HAUS6: variants seen among roughly 807,000 people sequenced by gnomAD.
The protein encoded by HAUS6 is HAUS augmin like complex subunit 6.
Under a neutral mutation model 106.8 loss-of-function variants are expected in HAUS6, and 80 were observed. That is an observed-to-expected ratio of 0.75 (90% CI 0.63 to 0.90). The LOEUF is 0.90. HAUS6 is among the 40% of genes least tolerant of loss of function. The pLI is 0.00. For missense variants in HAUS6, 1,155 were observed against 1,118.1 expected (o/e 1.03, Z -0.47); for synonymous variants, 356 against 379.1 (o/e 0.94, Z 0.71).
intron 4 of HAUS6, 72 bp downstream of exon 4, chr9:19,093,099 C>G (rs540711349): frequency 9.1e-7 from 1 of 1,100,280 alleles, no homozygotes; most frequent in Non-Finnish European, 1.3e-6. Context: ...GATCTCTTCA[C>G]GATTTAAAAA....
chr9:19,097,208 A>G (rs1161017942), intron 1 of HAUS6, among the ~76,000 whole-genome samples: 1 of 152,332 alleles, frequency 6.6e-6, no homozygotes, highest in East Asian at 1.9e-4. Context: ...TGCATGTCTA[A>G]AACACCAAAA....
chr9:19,066,325 T>G (rs1588601632), intron 12 of HAUS6, among the ~76,000 whole-genome samples: 1 of 152,250 alleles, frequency 6.6e-6, no homozygotes, highest in East Asian at 1.9e-4. Context: ...CTTAAAAACT[T>G]TAACCAATTA....
intron 7 of HAUS6, among the ~76,000 whole-genome samples, chr9:19,085,991 T>TAA (rs3085526): frequency 6.9e-5 from 10 of 145,820 alleles, no homozygotes; most frequent in African/African-American, 7.5e-5. Context: ...CTATGAGTTT[T>TAA]AAAAAAAAAA....
chr9:19,060,765 GCTCT>G (rs1246144309), intron 14 of HAUS6, among the ~76,000 whole-genome samples: 31 of 152,254 alleles, frequency 2.0e-4, no homozygotes, highest in Admixed American at 2.6e-4. Context: ...TCAAAATAGT[GCTCT>G]CTATTAAATA....
intron 9 of HAUS6, among the ~76,000 whole-genome samples, chr9:19,080,199 A>AAAC (rs57450866): frequency 2.7e-5 from 4 of 150,632 alleles, no homozygotes; most frequent in African/African-American, 9.7e-5. Flanking sequence ...AAAAAAAAAA[A>AAAC]CTTTCCTAAG....
intron 8 of HAUS6, 131 bp from the exon 9 acceptor site, chr9:19,080,803 C>T: frequency 1.7e-6 from 1 of 605,192 alleles, no homozygotes; most frequent in South Asian, 2.1e-5. Flanking sequence ...CGCAACGGCT[C>T]ACACCTGTAA....
chr9:19,089,537 C>A lies in HAUS6; in HGVS notation c.459G>T (p.Glu153Asp), dbSNP rs1156749300. 2 of 1,609,628 alleles carry A rather than the reference C, an allele frequency of 1.2e-6. No individual in the cohort carries two copies. Among genetic ancestry groups the A allele is most frequent in the East Asian group, 4.5e-5 (2 of 44,786 alleles). The change falls in exon 5 of 17, where the codon GAG becomes GAT. Residue 153 changes from glutamate (E) to aspartate (D), a missense_variant. Coordinates refer to ENST00000380502, the MANE Select transcript of HAUS6 (RefSeq NM_017645.5). ...NSKNSSHHFV[E>D]TFNIKPQDLH... The stretch of plus-strand genomic sequence containing the variant: ...AGTCCTGTGGTTTTATGTTAAATGT[C>A]TCTACAAAATGATGAGAAGAATCTA...
intron 4 of HAUS6, among the ~76,000 whole-genome samples, chr9:19,090,704 T>A (rs1190868979): frequency 1.3e-5 from 2 of 152,182 alleles, no homozygotes; most frequent in African/African-American, 2.4e-5. Flanking sequence ...TATAAAAAGA[T>A]AAGAGGAGAT....
rs1053589147 is a variant in HAUS6, at chr9:19,078,806, AAAAT to A, written c.1065-508_1065-505del. On this transcript the variant is annotated intron_variant, in intron 9 of 16. Transcript: ENST00000380502. ...GAGTAAAACTCCGTCTCAAAAATAA[AAAAT>A]AAATAAATAAATAAATAATTTTAAA... 3.3e-5 allele frequency among the ~76,000 whole-genome samples: 5 copies of A among 149,902 alleles called. No homozygotes were observed. In the South Asian group the frequency reaches 8.4e-4, roughly 25 times the overall value.
chr9:19,087,029 C>A, intron 6 of HAUS6, 62 bp downstream of exon 6: 1 of 797,322 alleles, frequency 1.3e-6, no homozygotes, highest in Non-Finnish European at 2.2e-6. Context: ...TGTTTCCTAG[C>A]CTGTAAAATG....
At chr9:19,060,027 T>C in intron 15 of HAUS6, 61 bp downstream of exon 15, 2 of 1,336,786 alleles carry the variant, frequency 1.5e-6, no homozygotes, top group Non-Finnish European at 2.1e-6. Flanking sequence ...TGTCAGGCCA[T>C]GGTTCTAACA....
rs775413265 is a variant in HAUS6, at chr9:19,089,456, C to T, written c.540G>A (p.Leu180=). The change falls in exon 5 of 17, where the codon TTG becomes TTA. Residue 180 remains leucine (L), a synonymous_variant. Transcript: ENST00000380502. ...TTTGGGTAACACAATCTTGTCTTTG[C>T]AAAATTTGTAAAAATCTGCTACGTG... ...HFARSRFLQI[L]QRQDCVTQKY... The T allele has an allele frequency of 1.9e-6, 3 of 1,612,178 alleles. No homozygotes were observed. The highest frequency in any genetic ancestry group is 1.3e-5 in the African/African-American group (1 of 74,864).
At chr9:19,056,597 CTT>C (rs879658713) in intron 16 of HAUS6, 193 bp from the exon 17 acceptor site, 211 of 414,340 alleles carry the variant, frequency 5.1e-4, no homozygotes, top group South Asian at 6.8e-4. Flanking sequence ...TCCCAGAGTA[CTT>C]TTTTTTTTTT....
At chr9:19,063,214 A>T (rs1419535295) in intron 13 of HAUS6, 21 bp from the exon 14 acceptor site, 9 of 1,492,186 alleles carry the variant, frequency 6.0e-6, no homozygotes, top group Non-Finnish European at 8.3e-6. Context: ...CAGATATGTA[A>T]TGTTAAACCC....
chr9:19,080,436 C>T (rs753771677), intron 9 of HAUS6, 43 bp downstream of exon 9: 2 of 1,333,726 alleles, frequency 1.5e-6, no homozygotes, highest in South Asian at 2.4e-5. Flanking sequence ...GAGAAAACCA[C>T]CCTACTCCTC....
intron 2 of HAUS6, among the ~76,000 whole-genome samples, chr9:19,095,782 T>C (rs1413651942): frequency 6.6e-6 from 1 of 152,176 alleles, no homozygotes; most frequent in Non-Finnish European, 1.5e-5. Context: ...ACAAATCACA[T>C]GCAAAATAAC....
At chr9:19,090,416 A>G (rs7022450) in intron 4 of HAUS6, among the ~76,000 whole-genome samples, 67,881 of 152,002 alleles carry the variant, frequency 0.45, 16,155 homozygotes, top group African/African-American at 0.63. Flanking sequence ...CCAGGCTGAA[A>G]TGCAGTGGCG....
intron 1 of HAUS6, among the ~76,000 whole-genome samples, chr9:19,100,383 G>A (rs939931694): frequency 6.6e-6 from 1 of 152,118 alleles, no homozygotes; most frequent in Non-Finnish European, 1.5e-5. Context: ...AAACAAAAAA[G>A]TAAATTTAAT....
rs1836435380 is a variant in HAUS6 at position 19,054,803 on chromosome 9, A to T, written c.*1540T>A. 6.6e-6 allele frequency: 1 copy of T among 152,222 alleles called. No homozygotes were observed. The highest frequency in any genetic ancestry group is 6.5e-5 in the Admixed American group (1 of 15,288). 9.4% of individuals were successfully genotyped at this position (152,222 alleles called of 1,614,324 possible). ...ACCAAGGAAGCACATTTAAAATATA[A>T]TTAAATGAAATAATACACATTAAGT... On this transcript the variant is annotated 3_prime_UTR_variant, in exon 17 of 17. Transcript: ENST00000380502.
Sources: gnomAD v4.1 joint callset for allele counts (sites outside exome capture counted in the v4.1 genomes callset) on GRCh38, gnomAD v4.1.1 for gene constraint, MANE v1.5 for transcripts, NCBI Gene and HGNC (gene_info 2026-07-23, HGNC 2026-07-21) for gene names.